Variants in PLCL1 observed in about 807,000 individuals in gnomAD.
The protein encoded by PLCL1 is phospholipase C like 1 (inactive).
Under a neutral mutation model 84.4 loss-of-function variants are expected in PLCL1, and 41 were observed. The observed-to-expected ratio is 0.49, with a 90% confidence interval of 0.38 to 0.63. The LOEUF is 0.63. Ranked by LOEUF, PLCL1 falls within the 30% of genes least tolerant of loss-of-function variation. The pLI is 0.00. For synonymous variants in PLCL1, 490 were observed against 488.3 expected (o/e 1.00, Z -0.05); for missense variants, 1,206 against 1,367.8 (o/e 0.88, Z 1.87).
intron 1 of PLCL1, among the ~76,000 whole-genome samples, chr2:198,043,791 TCAGA>T (rs1299342749): frequency 1.3e-5 from 2 of 151,580 alleles, no homozygotes; most frequent in African/African-American, 2.4e-5. Context: ...AGTCCAAATC[TCAGA>T]CAGAGCTTGA....
intron 5 of PLCL1, among the ~76,000 whole-genome samples, chr2:198,123,067 A>G (rs1210935871): frequency 6.6e-6 from 1 of 152,112 alleles, no homozygotes; most frequent in East Asian, 1.9e-4. Context: ...TTCATATACA[A>G]TGAATGAAAA....
intron 1 of PLCL1, among the ~76,000 whole-genome samples, chr2:197,959,748 A>T (rs761941714): frequency 6.6e-6 from 1 of 152,070 alleles, no homozygotes; most frequent in Non-Finnish European, 1.5e-5. Flanking sequence ...GGGAAAAAAA[A>T]CAACAACAAA....
chr2:198,134,563 G>T (rs1694209228), intron 5 of PLCL1, among the ~76,000 whole-genome samples: 1 of 152,098 alleles, frequency 6.6e-6, no homozygotes, highest in South Asian at 2.1e-4. Flanking sequence ...TGGCTACAAG[G>T]CTATGGGATG....
chr2:198,146,833 G>C lies in PLCL1; in HGVS notation c.3159G>C (p.Lys1053Asn), dbSNP rs1201875133. 6.2e-7 allele frequency: 1 copy of C among 1,613,490 alleles called. No homozygotes were observed. The highest frequency in any genetic ancestry group is 8.5e-7 in the Non-Finnish European group (1 of 1,179,678). The stretch of plus-strand genomic sequence containing the variant: ...AGAATGAAGCTATAGAAAACATGAA[G>C]CAGATCCAGCTGGCATGCCTGTCCT... Reference protein sequence around the residue: ...NAKNEAIENMKQIQLACLSCG... With the variant: ...NAKNEAIENMNQIQLACLSCG... The change falls in exon 6 of 6, where the codon AAG (lysine) becomes AAC (asparagine). Residue 1053 changes from lysine (K) to asparagine (N), a missense_variant. Lys to Asn is a moderately conservative substitution (Grantham distance 94). Coordinates refer to ENST00000428675, the MANE Select transcript of PLCL1 (RefSeq NM_006226.4).
At chr2:198,118,379 G>A (rs1465151461) in intron 5 of PLCL1, among the ~76,000 whole-genome samples, 1 of 151,930 alleles carries the variant, frequency 6.6e-6, no homozygotes. Context: ...AAGAGAGAGA[G>A]GGAGAGGAGA....
chr2:198,012,514 G>A (rs543562170), intron 1 of PLCL1, among the ~76,000 whole-genome samples: 85 of 151,874 alleles, frequency 5.6e-4, no homozygotes, highest in Non-Finnish European at 1.0e-3. Flanking sequence ...TAAGTCCTTC[G>A]GCCAATATGT....
At chr2:198,014,647 T>A (rs895466078) in intron 1 of PLCL1, among the ~76,000 whole-genome samples, 1 of 152,144 alleles carries the variant, frequency 6.6e-6, no homozygotes, top group Admixed American at 6.6e-5. Flanking sequence ...TTTAAATAGA[T>A]AATATGCAAC....
chr2:198,069,855 G>T (rs1692419835), intron 1 of PLCL1, among the ~76,000 whole-genome samples: 1 of 152,126 alleles, frequency 6.6e-6, no homozygotes, highest in Non-Finnish European at 1.5e-5. Flanking sequence ...TGGCAGAGAT[G>T]GGCAGAAATT....
chr2:198,053,280 A>G (rs1210073925), intron 1 of PLCL1, among the ~76,000 whole-genome samples: 2 of 151,980 alleles, frequency 1.3e-5, no homozygotes, highest in African/African-American at 4.8e-5. Flanking sequence ...TGAAGGTTCA[A>G]CCCCTGCAGG....
intron 1 of PLCL1, among the ~76,000 whole-genome samples, chr2:197,830,656 C>T (rs1169581981): frequency 6.6e-6 from 1 of 152,146 alleles, no homozygotes; most frequent in Non-Finnish European, 1.5e-5. Flanking sequence ...CATTCAAATT[C>T]ATGAAATACA....
At chr2:198,122,041 T>A (rs772736961) in intron 5 of PLCL1, among the ~76,000 whole-genome samples, 1 of 152,082 alleles carries the variant, frequency 6.6e-6, no homozygotes. Context: ...TACACAGATA[T>A]CCTGAGTATA....
intron 1 of PLCL1, among the ~76,000 whole-genome samples, chr2:197,917,427 T>G (rs1688618444): frequency 6.6e-6 from 1 of 152,192 alleles, no homozygotes; most frequent in Admixed American, 6.5e-5. Context: ...TCTGGAAAAG[T>G]GACTGTAGTA....
At chr2:197,941,974 C>T (rs1406615976) in intron 1 of PLCL1, among the ~76,000 whole-genome samples, 1 of 152,116 alleles carries the variant, frequency 6.6e-6, no homozygotes, top group Non-Finnish European at 1.5e-5. Flanking sequence ...ACTGGGGAGT[C>T]TCTCTGTTTC....
chr2:197,942,677 T>C (rs1189016949), intron 1 of PLCL1, among the ~76,000 whole-genome samples: 1 of 152,166 alleles, frequency 6.6e-6, no homozygotes, highest in Non-Finnish European at 1.5e-5. Flanking sequence ...GATGAGTAAG[T>C]GTGGGTGCCC....
intron 1 of PLCL1, among the ~76,000 whole-genome samples, chr2:197,940,744 C>T (rs1244137350): frequency 6.6e-6 from 1 of 152,144 alleles, no homozygotes; most frequent in Non-Finnish European, 1.5e-5. Context: ...GTCTATTACG[C>T]CATATTACAC....
chr2:197,940,793 T>C (rs1689144045), intron 1 of PLCL1, among the ~76,000 whole-genome samples: 2 of 152,214 alleles, frequency 1.3e-5, no homozygotes, highest in Non-Finnish European at 2.9e-5. Context: ...CTAATAGTAT[T>C]TTTAGTTTCA....
chr2:198,075,100 A>T (rs1476809324), intron 1 of PLCL1, among the ~76,000 whole-genome samples: 1 of 152,174 alleles, frequency 6.6e-6, no homozygotes, highest in Non-Finnish European at 1.5e-5. Flanking sequence ...CATCAAGAGA[A>T]CATCGAATTA....
At chr2:197,885,261 A>G (rs1045916043) in intron 1 of PLCL1, among the ~76,000 whole-genome samples, 9 of 152,184 alleles carry the variant, frequency 5.9e-5, no homozygotes, top group Non-Finnish European at 1.2e-4. Context: ...GGAGACCACA[A>G]TGTGCCATCT....
intron 5 of PLCL1, among the ~76,000 whole-genome samples, chr2:198,133,129 A>G (rs1694164765): frequency 6.6e-6 from 1 of 151,906 alleles, no homozygotes; most frequent in African/African-American, 2.4e-5. Flanking sequence ...GTCAACCCAA[A>G]TGTCCAACAA....
Sources: allele counts gnomAD v4.1 joint callset (sites outside exome capture counted in the v4.1 genomes callset), GRCh38; gene constraint gnomAD v4.1.1; transcripts MANE v1.5; gene names NCBI Gene and HGNC (gene_info 2026-07-23, HGNC 2026-07-21).